The following RGS22 variants were observed in gnomAD, a reference collection of about 807,000 sequenced individuals.
RGS22 encodes regulator of G protein signaling 22.
A neutral mutation model predicts 172.9 loss-of-function variants in RGS22; 148 were observed. The observed-to-expected ratio is 0.86, with a 90% CI of 0.75 to 0.98. The LOEUF (loss-of-function observed/expected upper bound fraction) is 0.98. Ranked by LOEUF, RGS22 falls within the 50% of genes least tolerant of loss-of-function variation. The pLI is 0.00. For missense variants in RGS22, 1,347 were observed against 1,440.8 expected (o/e 0.93, Z 1.05); for synonymous variants, 458 against 480.2 (o/e 0.95, Z 0.60).
chr8:99,969,026 T>A (rs1260715300), intron 23 of RGS22, among the ~76,000 whole-genome samples: 4 of 152,170 alleles, frequency 2.6e-5, no homozygotes, highest in African/African-American at 9.7e-5. Context: ...ACCATCAGAC[T>A]GACAGCGGAT....
At chr8:100,043,371 A>G (rs996153710) in intron 11 of RGS22, among the ~76,000 whole-genome samples, 1 of 152,162 alleles carries the variant, frequency 6.6e-6, no homozygotes, top group Non-Finnish European at 1.5e-5. Flanking sequence ...ATATATCTTC[A>G]GCTTCTCCAT....
At chr8:99,965,503 G>A (rs1328296479) in intron 23 of RGS22, 73 bp from the exon 24 acceptor site, 1 of 1,086,838 alleles carries the variant, frequency 9.2e-7, no homozygotes, top group Non-Finnish European at 1.4e-6. Context: ...TGGCTAAGGA[G>A]TTATAACATC....
Position 100,072,155 on chromosome 8 carries a change from A to C in RGS22, c.415T>G (p.Phe139Val). The change falls in exon 5 of 28, where the codon TTT becomes GTT. Residue 139 changes from phenylalanine to valine, a missense_variant. Transcript: ENST00000360863. Reference protein sequence around the residue: ...LPAFLESDCYFEYRLAKLVSQ... With the variant: ...LPAFLESDCYVEYRLAKLVSQ... ...ATGGGACTATAGTACCTGTATTCAA[A>C]GTAACAATCACTTTCCAGAAATGCT... The C allele has an allele frequency of 6.3e-7, 1 of 1,591,180 alleles. No homozygotes were observed. Among genetic ancestry groups the C allele is most frequent in the Non-Finnish European group, 8.6e-7 (1 of 1,165,102 alleles).
Position 100,080,167 on chromosome 8 carries a change from T to C in RGS22, c.306A>G (p.Glu102=). Residue 102 remains glutamate, a synonymous_variant, in exon 4 of 28, where the codon GAA becomes GAG. Coordinates refer to ENST00000360863, the MANE Select transcript of RGS22 (RefSeq NM_015668.5). ...VKPVQMNAPD[E]DETINVNYNI... ...TGTAGTTGACATTAATGGTCTCATC[T>C]TCATCGGGGGCATTCATTTGAACAG... The C allele has an allele frequency of 6.2e-7, 1 of 1,612,064 alleles. No homozygotes were observed. Among genetic ancestry groups the C allele is most frequent in the African/African-American group, 1.3e-5 (1 of 74,984 alleles).
chr8:99,979,512 G>A (rs1234887443), intron 22 of RGS22, among the ~76,000 whole-genome samples: 1 of 152,220 alleles, frequency 6.6e-6, no homozygotes, highest in Non-Finnish European at 1.5e-5. Flanking sequence ...CTCACTGCCA[G>A]TAGATAAATA....
chr8:100,005,249 AC>A (rs1815565991), intron 16 of RGS22, among the ~76,000 whole-genome samples: 1 of 152,094 alleles, frequency 6.6e-6, no homozygotes, highest in African/African-American at 2.4e-5. Flanking sequence ...CTGAAACCTT[AC>A]CACTCAGAGT....
At chr8:99,961,736 G>A (rs776419005) in intron 27 of RGS22, among the ~76,000 whole-genome samples, 6 of 152,246 alleles carry the variant, frequency 3.9e-5, no homozygotes, top group Non-Finnish European at 8.8e-5. Context: ...GGCCTGAGGG[G>A]TGGAGAAATG....
At chr8:99,993,147 G>A (rs1055960616) in intron 20 of RGS22, among the ~76,000 whole-genome samples, 1 of 152,134 alleles carries the variant, frequency 6.6e-6, no homozygotes, top group Admixed American at 6.5e-5. Context: ...AGCACTAAAT[G>A]CCCACAAGAG....
At chr8:100,038,592 C>G (rs1819753470) in intron 14 of RGS22, 1 of 178,226 alleles carries the variant, frequency 5.6e-6, no homozygotes, top group Non-Finnish European at 1.2e-5. Context: ...TTCAATGATT[C>G]ATTACATGTC....
chr8:100,043,873 A>G (rs1820432347), intron 11 of RGS22, among the ~76,000 whole-genome samples: 1 of 152,192 alleles, frequency 6.6e-6, no homozygotes, highest in South Asian at 2.1e-4. Flanking sequence ...AATTACTTAA[A>G]TCAGGAATAA....
At chr8:100,099,343 T>C (rs1813284102) in intron 2 of RGS22, among the ~76,000 whole-genome samples, 2 of 152,164 alleles carry the variant, frequency 1.3e-5, no homozygotes, top group African/African-American at 2.4e-5. Flanking sequence ...TACAACTCAA[T>C]AAACTCATTT....
intron 14 of RGS22, 49 bp downstream of exon 14, chr8:100,038,882 C>A (rs767387088): frequency 2.5e-6 from 3 of 1,215,272 alleles, no homozygotes; most frequent in African/African-American, 3.0e-5. Flanking sequence ...ATTTTCATTT[C>A]TCTGTGTACT....
intron 2 of RGS22, among the ~76,000 whole-genome samples, chr8:100,099,165 C>G (rs540310245): frequency 9.2e-5 from 14 of 152,038 alleles, no homozygotes; most frequent in Non-Finnish European, 1.9e-4. Flanking sequence ...CCACCCGCCT[C>G]GGCCTCTCAA....
rs1811629944 is a variant in RGS22 at position 100,079,998 on chromosome 8, T to C, written c.339+136A>G. On this transcript the variant is annotated intron_variant, in intron 4 of 27. Transcript: ENST00000360863. ...CTGGCCATTGGATTTGAAAAGTGCT[T>C]AACAAATACTATGTGTACGTACAAC... 6.5e-6 allele frequency: 4 copies of C among 619,694 alleles called. No individual in the cohort carries two copies. The East Asian group carries it at 1.1e-4, about 17-fold the overall frequency. The allele number at this position is 619,694 out of a possible 1,614,324, so 38.4% of individuals were successfully genotyped here.
At chr8:100,102,107 A>G (rs1208798574) in intron 2 of RGS22, among the ~76,000 whole-genome samples, 2 of 152,158 alleles carry the variant, frequency 1.3e-5, no homozygotes, top group Admixed American at 6.5e-5. Context: ...AAGAAGAAAA[A>G]GGGCTCATTC....
intron 11 of RGS22, among the ~76,000 whole-genome samples, chr8:100,043,318 T>TG (rs1820341864): frequency 6.6e-6 from 1 of 152,086 alleles, no homozygotes; most frequent in African/African-American, 2.4e-5. Flanking sequence ...CTTGAACCTG[T>TG]CCCTCTATTC....
At chr8:100,105,654 C>T in intron 1 of RGS22, 1 of 578,792 alleles carries the variant, frequency 1.7e-6, no homozygotes, top group South Asian at 2.2e-5. Flanking sequence ...TCTTCATAGA[C>T]GGAACCCTCT....
At chr8:99,996,578 T>G (rs558510206) in intron 19 of RGS22, 48 bp from the exon 20 acceptor site, 2 of 1,430,632 alleles carry the variant, frequency 1.4e-6, no homozygotes, top group South Asian at 2.4e-5. Context: ...GACTAAAGGC[T>G]TGAAATCATT....
intron 15 of RGS22, among the ~76,000 whole-genome samples, 177 bp from the exon 16 acceptor site, chr8:100,006,286 A>G (rs1362893782): frequency 6.6e-6 from 1 of 152,228 alleles, no homozygotes; most frequent in Non-Finnish European, 1.5e-5. Flanking sequence ...GGATGCAATA[A>G]AAAATGCATA....
Sources: gnomAD v4.1 joint callset for allele counts (sites outside exome capture counted in the v4.1 genomes callset) on GRCh38, gnomAD v4.1.1 for gene constraint, MANE v1.5 for transcripts, NCBI Gene and HGNC (gene_info 2026-07-23, HGNC 2026-07-21) for gene names.